Variants in ATP2A1 observed in about 807,000 individuals in gnomAD.
ATP2A1 encodes ATPase sarcoplasmic/endoplasmic reticulum Ca2+ transporting 1, also known as sarcoplasmic/endoplasmic reticulum calcium ATPase 1.
A neutral mutation model predicts 109.5 loss-of-function variants in ATP2A1; 83 were observed. That is an observed-to-expected ratio of 0.76 (90% confidence interval 0.63 to 0.91). ATP2A1 has a LOEUF of 0.91. ATP2A1 is among the 40% of genes least tolerant of loss of function. The pLI, the probability that ATP2A1 is intolerant of heterozygous loss-of-function variation, is 0.00. For missense variants in ATP2A1, 1,101 were observed against 1,341.0 expected (o/e 0.82, Z 2.80); for synonymous variants, 505 against 537.6 (o/e 0.94, Z 0.84).
chr16:28,890,292 CAAAAAAAAAAA>C (rs767608802), intron 9 of ATP2A1, among the ~76,000 whole-genome samples: 15 of 74,396 alleles, frequency 2.0e-4, no homozygotes, highest in African/African-American at 7.3e-4. Context: ...CCGTCTCTAC[CAAAAAAAAAAA>C]AAAAAAAAAA....
At chr16:28,889,504 CCT>C (rs1331727727) in intron 9 of ATP2A1, among the ~76,000 whole-genome samples, 11 of 152,240 alleles carry the variant, frequency 7.2e-5, no homozygotes, top group African/African-American at 1.7e-4. Flanking sequence ...GTGATGTGCC[CCT>C]GTTCGCTTCC....
At position 28,903,010 on chromosome 16, in the gene ATP2A1, C is replaced by CCT. The variant is rs1964131952; in HGVS notation, c.2745-18_2745-17dup. On this transcript the variant is annotated intron_variant, in intron 19 of 22. Coordinates refer to ENST00000395503, the MANE Select transcript of ATP2A1 (RefSeq NM_004320.6). This position sits in a 1 kb window ranked among gnomAD's most constrained non-coding sequence, Gnocchi z 5.6. ...TCCTTCCTCCTCACTGTGCCTTCTC[C>CCT]CTCCCCTTCCCCTCTGCAGCCTGTC... The CCT allele has an allele frequency of 6.2e-7, 1 of 1,613,310 alleles. No homozygotes were observed. The highest frequency in any genetic ancestry group is 1.3e-5 in the African/African-American group (1 of 74,886).
chr16:28,894,466 CA>C (rs1176509824), intron 10 of ATP2A1, 38 bp from the exon 11 acceptor site: 9 of 1,586,570 alleles, frequency 5.7e-6, no homozygotes, highest in Non-Finnish European at 7.8e-6. Flanking sequence ...TGTTCTTCTC[CA>C]CTGTCTCTGT....
chr16:28,882,718 C>T lies in ATP2A1; in HGVS notation c.463+129C>T, dbSNP rs539675849. 18 of 1,420,958 alleles carry T rather than the reference C, an allele frequency of 1.3e-5. No individual in the cohort carries two copies. In the South Asian group the frequency reaches 2.4e-4, roughly 19 times the overall value. 88.0% of individuals were successfully genotyped at this position (1,420,958 alleles called of 1,614,324 possible). ...CGGAGTCTGCTTCTCTTTCCGACTC[C>T]TCAGAAGGTCATCCCAGGCCACTCC... On this transcript the variant is annotated intron_variant, in intron 5 of 22. Transcript: ENST00000395503.
chr16:28,890,659 C>G (rs918979521), intron 9 of ATP2A1, among the ~76,000 whole-genome samples: 3 of 151,876 alleles, frequency 2.0e-5, no homozygotes, highest in Non-Finnish European at 4.4e-5. Context: ...AATAAATAAA[C>G]AAAACAGGAT....
In ATP2A1 at chr16:28,902,861, C is replaced by T. The variant is rs1278752772; in HGVS notation, c.2694C>T (p.Thr898=). ...TCTTCGAGGCCCCCGAGCCCATGAC[C>T]ATGGCCCTGTCCGTGCTGGTGACCA... ...CEVFEAPEPM[T]MALSVLVTIE... The change falls in exon 19 of 23, where the codon ACC becomes ACT. Residue 898 remains threonine, a synonymous_variant. Transcript: ENST00000395503. The surrounding 1 kb of genome is among the most constrained non-coding windows in gnomAD (Gnocchi z 4.8). The T allele has an allele frequency of 1.2e-6, 2 of 1,614,054 alleles. No individual in the cohort carries two copies. The highest frequency in any genetic ancestry group is 1.7e-6 in the Non-Finnish European group (2 of 1,179,992).
At chr16:28,890,863 T>C (rs1022727415) in intron 9 of ATP2A1, among the ~76,000 whole-genome samples, 3 of 151,998 alleles carry the variant, frequency 2.0e-5, no homozygotes, top group African/African-American at 7.2e-5. Flanking sequence ...TTTTTGTATT[T>C]TTAGTACAGA....
chr16:28,879,513 G>A lies in ATP2A1; in HGVS notation c.149G>A (p.Trp50Ter). Residue 50 changes from tryptophan to a stop codon, truncating the protein, a stop_gained, in exon 3 of 23, where the codon TGG becomes TAG. Transcript: ENST00000395503. LOFTEE classifies it high-confidence loss of function. Reference sequence around the variant, plus strand: ...CCTCCTCCCCCAGGGAAGACCCTGTGGGAGCTGGTGATAGAGCAGTTTGAA... The same window carrying A: ...CCTCCTCCCCCAGGGAAGACCCTGTAGGAGCTGGTGATAGAGCAGTTTGAA... ...ELPAEEGKTL[W>*]ELVIEQFEDL... The A allele has an allele frequency of 6.2e-7, 1 of 1,614,130 alleles. No individual in the cohort carries two copies. The highest frequency in any genetic ancestry group is 8.5e-7 in the Non-Finnish European group (1 of 1,180,002).
At chr16:28,893,117 T>A (rs187910064) in intron 9 of ATP2A1, among the ~76,000 whole-genome samples, 1 of 144,220 alleles carries the variant, frequency 6.9e-6, no homozygotes, top group Non-Finnish European at 1.5e-5. Flanking sequence ...AGCATCATGG[T>A]GGGTGCCTGT....
At position 28,879,519 on chromosome 16, in the gene ATP2A1, T is replaced by C. The variant is rs771609729; in HGVS notation, c.155T>C (p.Leu52Pro). The change falls in exon 3 of 23, where the codon CTG (leucine) becomes CCG (proline). Residue 52 changes from leucine to proline, a missense_variant. Coordinates refer to ENST00000395503, the MANE Select transcript of ATP2A1 (RefSeq NM_004320.6). ...CCCCCAGGGAAGACCCTGTGGGAGC[T>C]GGTGATAGAGCAGTTTGAAGACCTC... ...PAEEGKTLWE[L>P]VIEQFEDLLV... 3 of 1,614,042 alleles carry C rather than the reference T, an allele frequency of 1.9e-6. No individual in the cohort carries two copies. The Admixed American group carries it at 5.0e-5, about 27-fold the overall frequency.
rs762931736 is a variant in ATP2A1, at chr16:28,894,884, G to A, written c.1350G>A (p.Glu450=). 6.2e-7 allele frequency: 1 copy of A among 1,612,426 alleles called. No homozygotes were observed. The part of the protein sequence containing the change: ...ATETALTTLV[E]KMNVFNTDVR... ...AGACAGCACTCACCACCCTGGTGGA[G>A]AAGATGAATGTGTTCAACACGGATG... Residue 450 remains glutamate (E), a synonymous_variant, in exon 12 of 23, where the codon GAG becomes GAA. Transcript: ENST00000395503.
In ATP2A1 at chr16:28,903,597, T is replaced by A; in HGVS notation, c.2981-103T>A. On this transcript the variant is annotated intron_variant, in intron 21 of 22. Coordinates refer to ENST00000395503, the MANE Select transcript of ATP2A1 (RefSeq NM_004320.6). The surrounding 1 kb of genome is among the most constrained non-coding windows in gnomAD (Gnocchi z 5.6). ...TCCCCCTGCGCCTGCAGGGGCCACATCTCCGGGGCAGCCCCACTGCCTCCT... is the reference window on the plus strand; with the variant it reads ...TCCCCCTGCGCCTGCAGGGGCCACAACTCCGGGGCAGCCCCACTGCCTCCT... The A allele has an allele frequency of 8.5e-7, 1 of 1,174,592 alleles. No individual in the cohort carries two copies. The highest frequency in any genetic ancestry group is 1.3e-6 in the Non-Finnish European group (1 of 788,614). The allele number at this position is 1,174,592 out of a possible 1,614,324, so 72.8% of individuals were successfully genotyped here.
Position 28,878,493 on chromosome 16 carries a change from G to C in ATP2A1, c.-179G>C. 1 of 654,274 alleles carries C rather than the reference G, an allele frequency of 1.5e-6. No homozygotes were observed. 40.5% of individuals were successfully genotyped at this position (654,274 alleles called of 1,614,324 possible). A position where few individuals can be genotyped will look rare whatever the true frequency, so the allele number is the denominator to read the frequency against. Reference sequence around the variant, plus strand: ...CCAGCTGGGGGCCGGGGGGTGGCCGGCTGCTCAAGTGGGACGGGGGTCAGA... The same window carrying C: ...CCAGCTGGGGGCCGGGGGGTGGCCGCCTGCTCAAGTGGGACGGGGGTCAGA... On this transcript the variant is annotated 5_prime_UTR_variant, in exon 1 of 23. Transcript: ENST00000395503.
In ATP2A1 at chr16:28,898,448, T is replaced by C; in HGVS notation, c.1761T>C (p.Tyr587=). ...VLDDSARFLE[Y]ETDLTFVGVV... ...ATGACTCTGCCAGGTTCCTGGAGTA[T>C]GAGGTAAGCAGCTGGGAGCCTCCCA... The change falls in exon 14 of 23, where the codon TAT becomes TAC. Residue 587 remains tyrosine (Y), a synonymous_variant. Transcript: ENST00000395503. This position sits in a 1 kb window ranked among gnomAD's most constrained non-coding sequence, Gnocchi z 4.0. 6.2e-7 allele frequency: 1 copy of C among 1,611,408 alleles called. No homozygotes were observed. Among genetic ancestry groups the C allele is most frequent in the Non-Finnish European group, 8.5e-7 (1 of 1,179,802 alleles).
chr16:28,900,683 A>G lies in ATP2A1; in HGVS notation c.1867A>G (p.Met623Val). The G allele has an allele frequency of 6.2e-7, 1 of 1,613,366 alleles. No homozygotes were observed. Among genetic ancestry groups the G allele is most frequent in the Non-Finnish European group, 8.5e-7 (1 of 1,179,358 alleles). The stretch of plus-strand genomic sequence containing the variant: ...CCGTGACGCCGGGATCCGGGTGATC[A>G]TGATCACTGGGGACAACAAGGGCAC... Reference protein sequence around the residue: ...LCRDAGIRVIMITGDNKGTAI... With the variant: ...LCRDAGIRVIVITGDNKGTAI... Residue 623 changes from methionine (M) to valine (V), a missense_variant, in exon 15 of 23, where the codon ATG becomes GTG. Coordinates refer to ENST00000395503, the MANE Select transcript of ATP2A1 (RefSeq NM_004320.6).
chr16:28,891,814 G>A (rs1963781576), intron 9 of ATP2A1, among the ~76,000 whole-genome samples: 1 of 149,846 alleles, frequency 6.7e-6, no homozygotes, highest in Non-Finnish European at 1.5e-5. Context: ...AGGAGGCGGA[G>A]GTTGCGGTGA....
At chr16:28,884,026 A>G (rs1354214833) in intron 5 of ATP2A1, among the ~76,000 whole-genome samples, 2 of 151,266 alleles carry the variant, frequency 1.3e-5, no homozygotes, top group Admixed American at 1.3e-4. Context: ...CGATTTTCTC[A>G]ATTTCCATAT....
chr16:28,882,712 C>T (rs1254446983), intron 5 of ATP2A1, 123 bp downstream of exon 5: 28 of 1,453,784 alleles, frequency 1.9e-5, no homozygotes, highest in East Asian at 2.5e-5. Flanking sequence ...CTTCTCTTTC[C>T]GACTCCTCAG....
At chr16:28,900,471 CTCCCCACCACTTCCTGACCTTTCACCCCA>C in intron 14 of ATP2A1, 81 bp from the exon 15 acceptor site, 1 of 932,372 alleles carries the variant, frequency 1.1e-6, no homozygotes, top group Non-Finnish European at 1.5e-6. Flanking sequence ...CTTCCCACCC[CTCCCCACCACTTCCTGACCTTTCACCCCA>C]TCCCCACCCC....
Sources: allele counts gnomAD v4.1 joint callset (sites outside exome capture counted in the v4.1 genomes callset), GRCh38; gene constraint gnomAD v4.1.1; non-coding constraint Gnocchi (gnomAD v3.1); transcripts MANE v1.5; gene names NCBI Gene and HGNC (gene_info 2026-07-23, HGNC 2026-07-21).